Variants in UVSSA observed in about 807,000 individuals in gnomAD.
UVSSA encodes UV-stimulated scaffold protein A.
UVSSA carries 72 observed loss-of-function variants against 73.9 expected under a neutral mutation model. The observed-to-expected ratio is 0.97, with a 90% CI of 0.81 to 1.19. The LOEUF is 1.19. Ranked by LOEUF, UVSSA falls within the 50% of genes most tolerant of loss-of-function variation. The probability of loss-of-function intolerance (pLI) is 0.00; values close to 1 mark genes in which losing one functional copy is unlikely to be tolerated. For synonymous variants in UVSSA, 454 were observed against 391.3 expected (o/e 1.16, Z -1.89); for missense variants, 1,150 against 965.0 (o/e 1.19, Z -2.54).
chr4:1,365,359 T>C (rs1717170019), intron 7 of UVSSA, among the ~76,000 whole-genome samples: 1 of 152,190 alleles, frequency 6.6e-6, no homozygotes, highest in Non-Finnish European at 1.5e-5. Context: ...CCGTGCTGTG[T>C]GCAGGAGCCA....
At chr4:1,377,762 G>A (rs956418868) in intron 10 of UVSSA, among the ~76,000 whole-genome samples, 1 of 152,054 alleles carries the variant, frequency 6.6e-6, no homozygotes, top group African/African-American at 2.4e-5. Context: ...CTGGCTTCAC[G>A]TTCCACCTGC....
intron 13 of UVSSA, 41 bp downstream of exon 13, chr4:1,383,981 C>G (rs534601811): frequency 3.1e-5 from 49 of 1,581,364 alleles, no homozygotes; most frequent in South Asian, 1.4e-4. Context: ...GCGTGGCCCC[C>G]CCGTGTGAGG....
intron 5 of UVSSA, among the ~76,000 whole-genome samples, chr4:1,353,792 C>T (rs977583913): frequency 4.6e-5 from 7 of 152,150 alleles, no homozygotes; most frequent in Non-Finnish European, 8.8e-5. Context: ...GTGGGCATCC[C>T]GTCAGCTCAC....
At chr4:1,356,619 A>G (rs1346912821) in intron 7 of UVSSA, 1 of 152,272 alleles carries the variant, frequency 6.6e-6, no homozygotes, top group African/African-American at 2.4e-5. Flanking sequence ...TGCCGTCAGC[A>G]TGTCAAGATC....
chr4:1,355,830 G>A (rs1715648695), intron 7 of UVSSA, among the ~76,000 whole-genome samples: 1 of 152,134 alleles, frequency 6.6e-6, no homozygotes, highest in African/African-American at 2.4e-5. Flanking sequence ...TGCCTCTGGT[G>A]GGTGAAGCTG....
chr4:1,366,372 A>G lies in UVSSA; in HGVS notation c.1229A>G (p.Glu410Gly). The change falls in exon 8 of 14, where the codon GAG (glutamate) becomes GGG (glycine). Residue 410 changes from glutamate (E) to glycine (G), a missense_variant. Glu to Gly is a moderately conservative substitution (Grantham distance 98). Coordinates refer to ENST00000389851, the MANE Select transcript of UVSSA (RefSeq NM_020894.4). ...EEDEDDEDFV[E>G]VPEKEGYEPH... ...GATGAGGACGATGAGGACTTTGTGG[A>G]GGTCCCTGAGAAGGAGGGGTATGAG... 1.2e-6 allele frequency: 2 copies of G among 1,613,432 alleles called. No individual in the cohort carries two copies. Among genetic ancestry groups the G allele is most frequent in the South Asian group, 2.2e-5 (2 of 91,052 alleles).
At position 1,353,172 on chromosome 4, in the gene UVSSA, C is replaced by T. The variant is rs115978884; in HGVS notation, c.693C>T (p.Cys231=). 4,644 of 1,612,848 alleles carry T rather than the reference C, an allele frequency of 2.9e-3. 12 individuals carry two copies. Among genetic ancestry groups the T allele is most frequent in the Non-Finnish European group, 3.7e-3 (4,382 of 1,179,986 alleles). The change falls in exon 5 of 14, where the codon TGC becomes TGT. Residue 231 remains cysteine, a synonymous_variant. Transcript: ENST00000389851. Reference sequence around the variant, plus strand: ...TGTCCGATGCCCTTCGCTCCTCCTGCGCGGGCCAGGTGGGCCCCTGCCGGT... The same window carrying T: ...TGTCCGATGCCCTTCGCTCCTCCTGTGCGGGCCAGGTGGGCCCCTGCCGGT... ...SGMSDALRSS[C]AGQVGPCRSG...
intron 7 of UVSSA, among the ~76,000 whole-genome samples, chr4:1,365,505 C>T (rs1024061879): frequency 1.3e-5 from 2 of 152,202 alleles, no homozygotes; most frequent in Non-Finnish European, 2.9e-5. Flanking sequence ...AGCCTTCCTG[C>T]CATTCTCCAG....
At chr4:1,374,023 C>T (rs1027882239) in intron 8 of UVSSA, among the ~76,000 whole-genome samples, 9 of 152,240 alleles carry the variant, frequency 5.9e-5, no homozygotes, top group African/African-American at 2.2e-4. Context: ...AGTTCGTTTT[C>T]TTCCTGTGGA....
Position 1,353,527 on chromosome 4 carries a change from A to G in UVSSA, c.934+114A>G, listed in dbSNP as rs1443717649. Reference sequence around the variant, plus strand: ...GGGGATGCAGGGGCCTCCCCTGGGGAGCTAGGTCAGGGGTCACCACCAGGT... The same window carrying G: ...GGGGATGCAGGGGCCTCCCCTGGGGGGCTAGGTCAGGGGTCACCACCAGGT... On this transcript the variant is annotated intron_variant, in intron 5 of 13. Coordinates refer to ENST00000389851, the MANE Select transcript of UVSSA (RefSeq NM_020894.4). The G allele has an allele frequency of 8.8e-6, 12 of 1,359,428 alleles. No homozygotes were observed. The East Asian group carries it at 2.6e-4, about 29-fold the overall frequency. 84.2% of individuals were successfully genotyped at this position (1,359,428 alleles called of 1,614,324 possible). A position where few individuals can be genotyped will look rare whatever the true frequency, so the allele number is the denominator to read the frequency against.
At chr4:1,360,286 G>C (rs1452362930) in intron 7 of UVSSA, among the ~76,000 whole-genome samples, 1 of 152,206 alleles carries the variant, frequency 6.6e-6, no homozygotes, top group East Asian at 1.9e-4. Context: ...TCCCACACCG[G>C]TGGCACAGAC....
intron 7 of UVSSA, among the ~76,000 whole-genome samples, chr4:1,363,614 C>T (rs1716938886): frequency 6.6e-6 from 1 of 152,200 alleles, no homozygotes; most frequent in African/African-American, 2.4e-5. Context: ...AACCGTAATG[C>T]CCTGAAACCT....
intron 2 of UVSSA, among the ~76,000 whole-genome samples, chr4:1,349,006 T>G (rs1714195616): frequency 6.7e-6 from 1 of 150,168 alleles, no homozygotes; most frequent in African/African-American, 2.5e-5. Context: ...GTGTGCGTTG[T>G]GCCGGGCGGT....
intron 10 of UVSSA, among the ~76,000 whole-genome samples, chr4:1,377,124 C>A (rs1484743707): frequency 6.6e-6 from 1 of 152,178 alleles, no homozygotes; most frequent in Non-Finnish European, 1.5e-5. Context: ...ATGTCAGAAC[C>A]TCCAGAGAGC....
intron 10 of UVSSA, among the ~76,000 whole-genome samples, chr4:1,377,144 G>C (rs1167939796): frequency 1.3e-5 from 2 of 152,192 alleles, no homozygotes; most frequent in African/African-American, 4.8e-5. Context: ...CGGGGGGGCA[G>C]GGGAGCCGGG....
intron 7 of UVSSA, among the ~76,000 whole-genome samples, chr4:1,361,063 C>T (rs534121883): frequency 2.7e-4 from 41 of 152,374 alleles, no homozygotes; most frequent in Non-Finnish European, 2.1e-4. Flanking sequence ...ACCCCCGGCC[C>T]GCATCTGGTC....
chr4:1,361,107 C>G (rs185433675), intron 7 of UVSSA, among the ~76,000 whole-genome samples: 1 of 152,230 alleles, frequency 6.6e-6, no homozygotes, highest in African/African-American at 2.4e-5. Context: ...CAGGCAGCCC[C>G]GGGGACCCAG....
In UVSSA at chr4:1,349,615, A is replaced by G. The variant is rs770991694; in HGVS notation, c.190A>G (p.Ile64Val). The change falls in exon 3 of 14, where the codon ATT becomes GTT. Residue 64 changes from isoleucine (I) to valine (V), a missense_variant. Physicochemically the swap from Ile to Val is conservative, Grantham distance 29. Transcript: ENST00000389851. The part of the protein sequence containing the change: ...HAEIRLSAFQ[I>V]VEELFVRSHQ... ...CGAGATCCGTCTCTCAGCCTTCCAG[A>G]TTGTGGAGGAACTCTTCGTCAGGTC... The G allele has an allele frequency of 1.9e-6, 3 of 1,614,032 alleles. No individual in the cohort carries two copies. Among genetic ancestry groups the G allele is most frequent in the Non-Finnish European group, 8.5e-7 (1 of 1,180,006 alleles).
In UVSSA at chr4:1,353,284, G is replaced by A. The variant is rs758561653; in HGVS notation, c.805G>A (p.Gly269Arg). The A allele has an allele frequency of 5.3e-5, 86 of 1,610,946 alleles. No individual in the cohort carries two copies. The highest frequency in any genetic ancestry group is 5.8e-5 in the Non-Finnish European group (69 of 1,179,826). Residue 269 changes from glycine to arginine, a missense_variant, in exon 5 of 14, where the codon GGG becomes AGG. Coordinates refer to ENST00000389851, the MANE Select transcript of UVSSA (RefSeq NM_020894.4). The part of the protein sequence containing the change: ...ASAGHPRAGG[G>R]AQPSQTATGD... ...TGCAGGCCACCCCAGAGCGGGCGGC[G>A]GGGCACAGCCATCCCAGACAGCCAC...
Sources: allele counts gnomAD v4.1 joint callset (sites outside exome capture counted in the v4.1 genomes callset), GRCh38; gene constraint gnomAD v4.1.1; transcripts MANE v1.5; gene names NCBI Gene and HGNC (gene_info 2026-07-23, HGNC 2026-07-21).